TMEM161B: variants seen among roughly 807,000 people sequenced by gnomAD.
TMEM161B encodes transmembrane protein 161B.
Under a neutral mutation model 61.8 loss-of-function variants are expected in TMEM161B, and 34 were observed. The observed-to-expected ratio is 0.55, with a 90% confidence interval of 0.42 to 0.73. The LOEUF is 0.73. TMEM161B is among the 30% of genes least tolerant of loss of function. The pLI, the probability that TMEM161B is intolerant of heterozygous loss-of-function variation, is 0.00. For synonymous variants in TMEM161B, 167 were observed against 192.8 expected (o/e 0.87, Z 1.11); for missense variants, 456 against 558.5 (o/e 0.82, Z 1.85).
At chr5:88,207,866 C>T (rs1284117247) in intron 5 of TMEM161B, among the ~76,000 whole-genome samples, 2 of 152,144 alleles carry the variant, frequency 1.3e-5, no homozygotes, top group Non-Finnish European at 2.9e-5. Context: ...AACTAAGGTG[C>T]TTGGCAAACA....
chr5:88,224,563 T>G (rs1297445777), intron 4 of TMEM161B, among the ~76,000 whole-genome samples: 3 of 152,204 alleles, frequency 2.0e-5, no homozygotes, highest in Non-Finnish European at 4.4e-5. Flanking sequence ...CCTGAATAAG[T>G]AAATTTTTCT....
At chr5:88,191,563 C>T (rs1214369582), downstream of TMEM161B, among the ~76,000 whole-genome samples, 2 of 152,130 alleles carry the variant, frequency 1.3e-5, no homozygotes, top group Non-Finnish European at 1.5e-5. Flanking sequence ...TTTCAAATAA[C>T]AATAAATGAA....
chr5:88,261,730 C>CA (rs70996464), intron 1 of TMEM161B, among the ~76,000 whole-genome samples: 25,165 of 49,264 alleles, frequency 0.51, 7,658 homozygotes, highest in East Asian at 0.71. Flanking sequence ...CATTCATGTG[C>CA]AAAAAAAAAA....
intron 2 of TMEM161B, among the ~76,000 whole-genome samples, chr5:88,229,428 T>TC (rs1279963647): frequency 7.3e-5 from 11 of 151,684 alleles, no homozygotes; most frequent in African/African-American, 2.4e-4. Flanking sequence ...ACTGGTATCC[T>TC]CCCTGCCTTC....
chr5:88,242,282 T>C (rs779673297), intron 1 of TMEM161B, among the ~76,000 whole-genome samples: 1 of 151,744 alleles, frequency 6.6e-6, no homozygotes, highest in Non-Finnish European at 1.5e-5. Flanking sequence ...TAAAGGAAGA[T>C]TCACTCCATC....
intron 4 of TMEM161B, among the ~76,000 whole-genome samples, chr5:88,223,285 T>C (rs973297360): frequency 2.0e-5 from 3 of 150,456 alleles, no homozygotes; most frequent in African/African-American, 7.3e-5. Context: ...ATTGTGCAGA[T>C]GGGGTAATAC....
At chr5:88,213,155 A>G (rs1328522083) in intron 5 of TMEM161B, among the ~76,000 whole-genome samples, 4 of 152,164 alleles carry the variant, frequency 2.6e-5, no homozygotes, top group Non-Finnish European at 4.4e-5. Context: ...CTCAAAATAT[A>G]TTATACTTCA....
chr5:88,237,894 G>C (rs1360108335), intron 2 of TMEM161B, among the ~76,000 whole-genome samples: 1 of 151,886 alleles, frequency 6.6e-6, no homozygotes, highest in South Asian at 2.1e-4. Context: ...TTTTGTCAAG[G>C]TATTAACTCT....
chr5:88,189,287 T>A (rs181195373), downstream of TMEM161B, among the ~76,000 whole-genome samples: 6 of 152,020 alleles, frequency 3.9e-5, no homozygotes, highest in Non-Finnish European at 8.8e-5. Context: ...GTCCAAAATT[T>A]AAAAAAATGA....
At chr5:88,254,537 C>A (rs1754729777) in intron 1 of TMEM161B, among the ~76,000 whole-genome samples, 1 of 152,064 alleles carries the variant, frequency 6.6e-6, no homozygotes, top group South Asian at 2.1e-4. Flanking sequence ...GTAAAAACAT[C>A]AGAAAAATGA....
chr5:88,225,685 G>T, intron 4 of TMEM161B, 84 bp downstream of exon 4: 1 of 822,440 alleles, frequency 1.2e-6, no homozygotes. Context: ...CTCTATAATG[G>T]ACTTAATGAT....
At chr5:88,235,344 C>CT (rs1751665853) in intron 2 of TMEM161B, among the ~76,000 whole-genome samples, 1 of 152,158 alleles carries the variant, frequency 6.6e-6, no homozygotes, top group Admixed American at 6.5e-5. Flanking sequence ...ATATAAAACT[C>CT]TATTTCATGA....
chr5:88,237,531 G>T (rs554640621), intron 2 of TMEM161B, among the ~76,000 whole-genome samples: 1 of 152,166 alleles, frequency 6.6e-6, no homozygotes, highest in South Asian at 2.1e-4. Flanking sequence ...CCTGCTTCCT[G>T]TCTGAAGAAA....
At chr5:88,229,261 T>C (rs1199375879) in intron 2 of TMEM161B, among the ~76,000 whole-genome samples, 1 of 152,158 alleles carries the variant, frequency 6.6e-6, no homozygotes, top group African/African-American at 2.4e-5. Context: ...AAATTTGATA[T>C]TCATATCTTA....
intron 1 of TMEM161B, among the ~76,000 whole-genome samples, chr5:88,251,480 G>A (rs1050653872): frequency 1.3e-5 from 2 of 152,034 alleles, no homozygotes; most frequent in African/African-American, 4.8e-5. Flanking sequence ...TTTCAACAGG[G>A]GGGATTAGTT....
At chr5:88,255,970 T>C (rs1216589870) in intron 1 of TMEM161B, among the ~76,000 whole-genome samples, 3 of 152,100 alleles carry the variant, frequency 2.0e-5, no homozygotes, top group African/African-American at 7.2e-5. Context: ...CGGATAAAGA[T>C]GACAATATAA....
chr5:88,240,329 G>A (rs570266829), intron 2 of TMEM161B, among the ~76,000 whole-genome samples: 3 of 151,724 alleles, frequency 2.0e-5, no homozygotes, highest in South Asian at 2.1e-4. Flanking sequence ...TATTTTCTTC[G>A]AACAATAGCA....
chr5:88,215,379 A>T (rs1747640898), intron 5 of TMEM161B, among the ~76,000 whole-genome samples: 1 of 152,202 alleles, frequency 6.6e-6, no homozygotes, highest in Non-Finnish European at 1.5e-5. Context: ...CTAAAGATAA[A>T]AGATAGGATG....
downstream of TMEM161B, among the ~76,000 whole-genome samples, chr5:88,189,326 G>A (rs1748565177): frequency 6.6e-6 from 1 of 152,040 alleles, no homozygotes; most frequent in South Asian, 2.1e-4. Context: ...TCATGCTTCG[G>A]CTATGCGTGG....
Sources: gnomAD v4.1 joint callset for allele counts (sites outside exome capture counted in the v4.1 genomes callset) on GRCh38, gnomAD v4.1.1 for gene constraint, MANE v1.5 for transcripts, NCBI Gene and HGNC (gene_info 2026-07-23, HGNC 2026-07-21) for gene names.